IGF2: variants seen among roughly 807,000 people sequenced by gnomAD.
IGF2 encodes insulin like growth factor 2.
In IGF2, 2 loss-of-function variants were observed where a neutral mutation model predicts 12.0. That is an observed-to-expected ratio of 0.17 (90% CI 0.07 to 0.52). The LOEUF (loss-of-function observed/expected upper bound fraction) is 0.52. IGF2 is among the 20% of genes least tolerant of loss of function. IGF2 has a pLI of 0.95. For synonymous variants in IGF2, 105 were observed against 110.1 expected (o/e 0.95, Z 0.29); for missense variants, 211 against 268.0 (o/e 0.79, Z 1.48).
intron 2 of IGF2, chr11:2,134,021 C>T (rs1485445065): frequency 1.2e-5 from 5 of 418,080 alleles, no homozygotes; most frequent in Non-Finnish European, 2.3e-5. Flanking sequence ...AGTTCAGGGG[C>T]CCCCACAGGA....
At chr11:2,147,241 G>GC in the IGF2 span, 1 of 241,456 alleles carries the variant, frequency 4.1e-6, no homozygotes, top group Non-Finnish European at 7.9e-6. The surrounding 1 kb of genome is among the most constrained non-coding windows in gnomAD (Gnocchi z 7.2). Context: ...CCCACTTTCT[G>GC]CCCCCCATCT....
intron 1 of IGF2, 21 bp downstream of exon 1, chr11:2,138,208 C>T (rs1590125002): frequency 1.0e-6 from 1 of 984,484 alleles, no homozygotes; most frequent in Non-Finnish European, 1.2e-6. Context: ...GGCCCCGGCC[C>T]GGCCCGCACA....
rs1554913014 is a variant in IGF2, at chr11:2,132,043, T to TGTGTGTGTGCTGTGCTC, written c.*927_*943dup. ...CTGTGTGCTGTGTGTGCTGTGCGTTTGTGTGTGTGCTGTGCTCGTGTGTGT... is the reference window on the plus strand; with the variant it reads ...CTGTGTGCTGTGTGTGCTGTGCGTTTGTGTGTGTGCTGTGCTCGTGTGTGTGCTGTGCTCGTGTGTGT... On this transcript the variant is annotated 3_prime_UTR_variant, in exon 4 of 4. Transcript: ENST00000416167. The TGTGTGTGTGCTGTGCTC allele has an allele frequency of 7.4e-4, 137 of 184,494 alleles. No individual in the cohort carries two copies. Among genetic ancestry groups the TGTGTGTGTGCTGTGCTC allele is most frequent in the South Asian group, 3.6e-3 (18 of 4,946 alleles). The allele number at this position is 184,494 out of a possible 1,614,324, so 11.4% of individuals were successfully genotyped here.
At chr11:2,140,370 C>T, upstream of IGF2, 1 of 1,395,244 alleles carries the variant, frequency 7.2e-7, no homozygotes. Context: ...CAAAATCCCG[C>T]ACCCCGCCAG....
At position 2,133,441 on chromosome 11, in the gene IGF2, G is replaced by A. The variant is rs11564730; in HGVS notation, c.306+76C>T. 1.8e-5 allele frequency: 27 copies of A among 1,478,098 alleles called. No homozygotes were observed. The highest frequency in any genetic ancestry group is 2.8e-5 in the African/African-American group (2 of 70,782). The allele number at this position is 1,478,098 out of a possible 1,614,324, so 91.6% of individuals were successfully genotyped here. On this transcript the variant is annotated intron_variant, in intron 3 of 3. Transcript: ENST00000416167. This position sits in a 1 kb window ranked among gnomAD's most constrained non-coding sequence, Gnocchi z 8.9. ...TGTCCCTGGCCAAGAGGTCCCAGAG[G>A]CCACAGGAAACGCTGGGCGCCCGAA...
chr11:2,133,455 T>C lies in IGF2; in HGVS notation c.306+62A>G, dbSNP rs1170176031. On this transcript the variant is annotated intron_variant, in intron 3 of 3. Transcript: ENST00000416167. The surrounding 1 kb of genome is among the most constrained non-coding windows in gnomAD (Gnocchi z 8.9). ...AGGTCCCAGAGGCCACAGGAAACGC[T>C]GGGCGCCCGAAGCCCTATTTCTCTG... 3 of 1,521,668 alleles carry C rather than the reference T, an allele frequency of 2.0e-6. No homozygotes were observed. The highest frequency in any genetic ancestry group is 2.6e-6 in the Non-Finnish European group (3 of 1,132,786). 94.3% of individuals were successfully genotyped at this position (1,521,668 alleles called of 1,614,324 possible).
chr11:2,148,767 T>G, the IGF2 span: 1 of 270,122 alleles, frequency 3.7e-6, no homozygotes, highest in Non-Finnish European at 7.0e-6. The surrounding 1 kb of genome is among the most constrained non-coding windows in gnomAD (Gnocchi z 4.3). Flanking sequence ...GACTCTTCCT[T>G]TCACACTTGT....
At chr11:2,135,554 G>A in intron 1 of IGF2, 25 bp from the exon 2 acceptor site, 3 of 1,602,002 alleles carry the variant, frequency 1.9e-6, no homozygotes, top group Non-Finnish European at 2.6e-6. Flanking sequence ...GAAGTGGCGT[G>A]AGCGGGGCAG....
intron 1 of IGF2, among the ~76,000 whole-genome samples, chr11:2,136,112 C>T (rs1441408455): frequency 6.6e-6 from 1 of 152,222 alleles, no homozygotes; most frequent in African/African-American, 2.4e-5. Context: ...CCGCCCCTCC[C>T]CCTGGCTTTT....
Position 2,138,433 on chromosome 11 carries a change from T to A in IGF2, c.-211A>T. The A allele has an allele frequency of 1.3e-6, 1 of 746,214 alleles. No homozygotes were observed. Among genetic ancestry groups the A allele is most frequent in the Non-Finnish European group, 1.6e-6 (1 of 628,184 alleles). 46.2% of individuals were successfully genotyped at this position (746,214 alleles called of 1,614,324 possible). A position where few individuals can be genotyped will look rare whatever the true frequency, so the allele number is the denominator to read the frequency against. Reference sequence around the variant, plus strand: ...GTCTGATTGTCCAGGGAGGACGGGCTGTCTTCGGGCTGGGGCGGGCCAGAT... The same window carrying A: ...GTCTGATTGTCCAGGGAGGACGGGCAGTCTTCGGGCTGGGGCGGGCCAGAT... On this transcript the variant is annotated 5_prime_UTR_variant, in exon 1 of 4. Transcript: ENST00000416167.
rs2230949 is a variant in IGF2, at chr11:2,132,958, G to A, written c.*29C>T. ...CAGGAGGAGGCTGCAGGATGGTGGC[G>A]CCGGGCTGCAGACTTGCGGCAGTTT... is the stretch of plus-strand genomic sequence containing the variant. On this transcript the variant is annotated 3_prime_UTR_variant, in exon 4 of 4. Coordinates refer to ENST00000416167, the MANE Select transcript of IGF2 (RefSeq NM_000612.6). The A allele has an allele frequency of 0.073, 103,173 of 1,409,384 alleles. 4,159 individuals carry two copies. The highest frequency in any genetic ancestry group is 0.08 in the Non-Finnish European group (83,775 of 1,045,526). 87.3% of individuals were successfully genotyped at this position (1,409,384 alleles called of 1,614,324 possible).
intron 1 of IGF2, among the ~76,000 whole-genome samples, chr11:2,137,529 AGG>A (rs112129175): frequency 0.055 from 8,016 of 145,578 alleles, 270 homozygotes; most frequent in Non-Finnish European, 0.076. Context: ...AGGGCAGTGA[AGG>A]GGGGGGGGGT....
Position 2,133,658 on chromosome 11 carries a change from G to C in IGF2, c.165C>G (p.Pro55=). The change falls in exon 3 of 4, where the codon CCC becomes CCG. Residue 55 remains proline (P), a synonymous_variant. Transcript: ENST00000416167. This position sits in a 1 kb window ranked among gnomAD's most constrained non-coding sequence, Gnocchi z 8.9. ...GGCTGCGACGGCTCACACGGCTTGC[G>C]GGCCTGCCTGGAAGTCCCACAGCAC... ...CGDRGFYFSR[P]ASRVSRRSRG... is the part of the protein sequence containing the mutation. 1 of 1,612,906 alleles carries C rather than the reference G, an allele frequency of 6.2e-7. No homozygotes were observed. Among genetic ancestry groups the C allele is most frequent in the Non-Finnish European group, 8.5e-7 (1 of 1,179,970 alleles).
chr11:2,146,373 G>A, the IGF2 span: 23 of 535,096 alleles, frequency 4.3e-5, no homozygotes, highest in South Asian at 2.0e-4. Context: ...CAGACGAGGC[G>A]CTGACCTTGC....
the IGF2 span, chr11:2,147,633 T>G: frequency 1.6e-6 from 2 of 1,242,352 alleles, no homozygotes; most frequent in African/African-American, 3.1e-5. This position sits in a 1 kb window ranked among gnomAD's most constrained non-coding sequence, Gnocchi z 7.2. Flanking sequence ...AGCGCTGGGG[T>G]CGCCTGGGCC....
At chr11:2,149,372 G>A in the IGF2 span, 13 of 1,590,904 alleles carry the variant, frequency 8.2e-6, no homozygotes, top group Middle Eastern at 2.2e-4. Context: ...CACTTTTAGA[G>A]TGTGCATGTT....
Position 2,132,715 on chromosome 11 carries a change from G to C in IGF2, c.*272C>G. On this transcript the variant is annotated 3_prime_UTR_variant, in exon 4 of 4. Coordinates refer to ENST00000416167, the MANE Select transcript of IGF2 (RefSeq NM_000612.6). Reference sequence around the variant, plus strand: ...TGATTTTTTATGTGTGGGGATAATTGGGGATAATTTGGGGGGAGGGTATGT... The same window carrying C: ...TGATTTTTTATGTGTGGGGATAATTCGGGATAATTTGGGGGGAGGGTATGT... The C allele has an allele frequency of 2.9e-6, 1 of 348,188 alleles. No individual in the cohort carries two copies. The allele number at this position is 348,188 out of a possible 1,614,324, so 21.6% of individuals were successfully genotyped here.
In IGF2 at chr11:2,130,588, CAA is replaced by C. The variant is rs770477972; in HGVS notation, c.*2397_*2398del. ...AAGCTAAGGAGGGGTAAAAAAAAAA[CAA>C]AAAAAAAAAAAAAAGGAAAAATGCC... On this transcript the variant is annotated 3_prime_UTR_variant, in exon 4 of 4. Transcript: ENST00000416167. The C allele has an allele frequency of 0.021, 2,135 of 99,406 alleles. 32 individuals carry two copies. The highest frequency in any genetic ancestry group is 0.06 in the African/African-American group (1,567 of 26,078). The allele number at this position is 99,406 out of a possible 1,614,324, so 6.2% of individuals were successfully genotyped here.
At chr11:2,146,993 G>A in the IGF2 span, 2 of 154,106 alleles carry the variant, frequency 1.3e-5, no homozygotes, top group African/African-American at 4.8e-5. Context: ...AGCCCCTTAG[G>A]CCCTTTGCTC....
Sources: gnomAD v4.1 joint callset for allele counts (sites outside exome capture counted in the v4.1 genomes callset) on GRCh38, gnomAD v4.1.1 for gene constraint, Gnocchi (gnomAD v3.1) non-coding constraint, MANE v1.5 for transcripts, NCBI Gene and HGNC (gene_info 2026-07-23, HGNC 2026-07-21) for gene names.